Variants in DAB1 observed in about 807,000 individuals in gnomAD.
The protein encoded by DAB1 is DAB adaptor protein 1, also known as disabled homolog 1.
A neutral mutation model predicts 64.6 loss-of-function variants in DAB1; 15 were observed. That is an observed-to-expected ratio of 0.23 (90% CI 0.16 to 0.36). DAB1 has a LOEUF of 0.36. Ranked by LOEUF, DAB1 falls within the 10% of genes least tolerant of loss-of-function variation. The pLI is 1.00. For synonymous variants in DAB1, 235 were observed against 251.9 expected, an observed-to-expected ratio of 0.93 and a Z score of 0.64; for missense variants, 596 against 706.7, an observed-to-expected ratio of 0.84 and a Z score of 1.78.
chr1:58,267,878 T>C lies in DAB1; in HGVS notation n.309+75474A>G, dbSNP rs990150742. On this transcript the variant is annotated intron_variant and non_coding_transcript_variant, in intron 4 of 20. Transcript: ENST00000485760. ...CCAAGAAACCTTGCGTCCCCTTCTC[T>C]ATGTTTATATCCCCTCAAAACTCCC... is the stretch of plus-strand genomic sequence containing the variant. Among the ~76,000 whole-genome samples the C allele has an allele frequency of 4.6e-5, 7 of 152,194 alleles. No individual in the cohort carries two copies. The East Asian group carries it at 1.3e-3, about 29-fold the overall frequency.
At chr1:58,516,159 T>TC (rs2100439184) in intron 2 of DAB1, among the ~76,000 whole-genome samples, 1 of 151,834 alleles carries the variant, frequency 6.6e-6, no homozygotes, top group East Asian at 1.9e-4. Flanking sequence ...CATCAATAAT[T>TC]CCCCCCACTT....
At chr1:57,996,890 T>C (rs1646433622) in intron 5 of DAB1, among the ~76,000 whole-genome samples, 1 of 152,152 alleles carries the variant, frequency 6.6e-6, no homozygotes, top group Non-Finnish European at 1.5e-5. Flanking sequence ...GGGGGGTCTG[T>C]TGGTGAGCCT....
At chr1:57,301,602 T>G (rs1271557132) in intron 1 of DAB1, among the ~76,000 whole-genome samples, 1 of 152,206 alleles carries the variant, frequency 6.6e-6, no homozygotes, top group Admixed American at 6.5e-5. Context: ...AAACGCCGCA[T>G]TTGGCAGCTT....
chr1:57,174,974 A>G (rs2100939682), intron 2 of DAB1, among the ~76,000 whole-genome samples: 1 of 152,310 alleles, frequency 6.6e-6, no homozygotes, highest in Non-Finnish European at 1.5e-5. Flanking sequence ...AAATAATTTT[A>G]AAAGGGTAAC....
chr1:57,540,445 G>A (rs929384202), intron 7 of DAB1, among the ~76,000 whole-genome samples: 1 of 152,072 alleles, frequency 6.6e-6, no homozygotes, highest in African/African-American at 2.4e-5. Flanking sequence ...CCCATGACTC[G>A]TATTTATCCA....
Position 57,335,199 on chromosome 1 carries a change from AT to A in DAB1, c.-136-44034del, listed in dbSNP as rs368766880. Among the ~76,000 whole-genome samples, 381 of 149,806 alleles carry A rather than the reference AT, an allele frequency of 2.5e-3. 3 individuals are homozygous for A. The highest frequency in any genetic ancestry group is 4.1e-3 in the Non-Finnish European group (274 of 67,344). On this transcript the variant is annotated intron_variant, in intron 1 of 14. Transcript: ENST00000371236. The stretch of plus-strand genomic sequence containing the variant: ...AAATACAGCTATGTGAGATCTGGAC[AT>A]TTTTTTTTTAAGGCACAGTGTTAAA...
intron 1 of DAB1, among the ~76,000 whole-genome samples, chr1:57,345,220 C>G (rs1677982813): frequency 1.3e-5 from 2 of 152,182 alleles, no homozygotes; most frequent in Admixed American, 1.3e-4. Flanking sequence ...TGCCCCCTAT[C>G]GTGGATCTGC....
intron 5 of DAB1, among the ~76,000 whole-genome samples, chr1:58,143,069 C>T (rs1458898213): frequency 6.6e-6 from 1 of 152,124 alleles, no homozygotes; most frequent in Non-Finnish European, 1.5e-5. Context: ...TGAAACCCAG[C>T]AATCTGAGTT....
intron 6 of DAB1, among the ~76,000 whole-genome samples, chr1:57,655,881 T>A (rs1442416014): frequency 2.6e-5 from 4 of 152,196 alleles, no homozygotes; most frequent in Non-Finnish European, 5.9e-5. Context: ...AGGTAAAAAA[T>A]TTAACCAGTT....
Position 58,128,311 on chromosome 1 carries a change from T to G in DAB1, n.387+22200A>C, listed in dbSNP as rs1653276084. On this transcript the variant is annotated intron_variant and non_coding_transcript_variant, in intron 5 of 20. Transcript: ENST00000485760. Reference sequence around the variant, plus strand: ...CTGTGATTTTTGTACATTGATTTTGTATCCTGAGACTTTGCTGAAGTTGCT... The same window carrying G: ...CTGTGATTTTTGTACATTGATTTTGGATCCTGAGACTTTGCTGAAGTTGCT... 2.0e-5 allele frequency among the ~76,000 whole-genome samples: 3 copies of G among 149,914 alleles called. No individual in the cohort carries two copies. The South Asian group carries it at 6.5e-4, about 32-fold the overall frequency.
intron 4 of DAB1, among the ~76,000 whole-genome samples, chr1:58,314,369 T>G (rs1662505102): frequency 1.3e-5 from 2 of 152,180 alleles, no homozygotes; most frequent in South Asian, 4.1e-4. Flanking sequence ...TTCTGTTTAT[T>G]CAGTTGGCCA....
At chr1:57,153,902 G>T (rs1659959514) in intron 2 of DAB1, among the ~76,000 whole-genome samples, 1 of 152,230 alleles carries the variant, frequency 6.6e-6, no homozygotes, top group Admixed American at 6.5e-5. Flanking sequence ...GCCTTCCAAA[G>T]TGTTGGGATT....
At chr1:57,152,039 C>G (rs879581884) in intron 2 of DAB1, among the ~76,000 whole-genome samples, 2 of 152,106 alleles carry the variant, frequency 1.3e-5, no homozygotes, top group African/African-American at 2.4e-5. Flanking sequence ...GTCTCGAACT[C>G]CTAACCTCAA....
At chr1:57,070,780 C>T (rs769422727) in intron 7 of DAB1, 2 of 524,652 alleles carry the variant, frequency 3.8e-6, no homozygotes, top group South Asian at 2.1e-5. Context: ...GTGAAGGGGG[C>T]CGAGGCAGAG....
intron 6 of DAB1, among the ~76,000 whole-genome samples, chr1:57,660,517 G>A (rs1057485667): frequency 1.3e-5 from 2 of 152,292 alleles, no homozygotes; most frequent in East Asian, 3.9e-4. Flanking sequence ...ATGGCAAAAG[G>A]AGTAGTGCAG....
At chr1:57,436,794 C>T (rs1036870615) in intron 7 of DAB1, among the ~76,000 whole-genome samples, 12 of 151,910 alleles carry the variant, frequency 7.9e-5, no homozygotes, top group East Asian at 7.8e-4. Context: ...TTTGGGAGGC[C>T]GAGGCAGGCA....
chr1:57,072,917 A>G (rs1231035087), intron 4 of DAB1, among the ~76,000 whole-genome samples: 2 of 152,188 alleles, frequency 1.3e-5, no homozygotes. Flanking sequence ...TGAGGAATAA[A>G]TGCCTTTCTC....
chr1:57,263,328 C>A (rs1670339714), intron 2 of DAB1, among the ~76,000 whole-genome samples: 1 of 152,068 alleles, frequency 6.6e-6, no homozygotes, highest in Admixed American at 6.6e-5. Context: ...CCATGCTGAC[C>A]AGGCTGGTTT....
chr1:57,426,735 T>A (rs2101106927), upstream of DAB1, among the ~76,000 whole-genome samples: 1 of 152,216 alleles, frequency 6.6e-6, no homozygotes, highest in South Asian at 2.1e-4. Flanking sequence ...GAGTATAGAG[T>A]TTGGAATTTA....
Sources: gnomAD v4.1 joint callset for allele counts (sites outside exome capture counted in the v4.1 genomes callset) on GRCh38, gnomAD v4.1.1 for gene constraint, MANE v1.5 for transcripts, NCBI Gene and HGNC (gene_info 2026-07-23, HGNC 2026-07-21) for gene names.